The following NDP variants were observed in gnomAD, a reference collection of about 807,000 sequenced individuals.
The protein encoded by NDP is norrin cystine knot growth factor NDP, also known as norrin.
Under a neutral mutation model 8.4 loss-of-function variants are expected in NDP, and 2 were observed. The ratio of observed to expected loss-of-function variants is 0.24; its 90% CI spans 0.10 to 0.75. The LOEUF (loss-of-function observed/expected upper bound fraction) is 0.75. Ranked by LOEUF, NDP falls within the 30% of genes least tolerant of loss-of-function variation. The pLI is 0.73. For missense variants in NDP, 81 were observed against 110.1 expected (o/e 0.74, Z 1.18); for synonymous variants, 55 against 45.6 (o/e 1.21, Z -0.83).
chrX:43,964,228 C>A (rs964664182), intron 1 of NDP, among the ~76,000 whole-genome samples: 1 of 111,419 alleles, frequency 9.0e-6, no homozygotes, highest in Non-Finnish European at 1.9e-5. Context: ...CCAAGTGTAG[C>A]CAAGCTCAGC....
At chrX:43,950,806 T>G (rs1245122180) in intron 2 of NDP, among the ~76,000 whole-genome samples, 1 of 112,304 alleles carries the variant, frequency 8.9e-6, no homozygotes, top group Non-Finnish European at 1.9e-5. Context: ...GCTCTTAATC[T>G]GGCTTTAGCA....
intron 2 of NDP, among the ~76,000 whole-genome samples, chrX:43,955,814 C>G (rs757757885): frequency 8.9e-6 from 1 of 112,082 alleles, no homozygotes; most frequent in Non-Finnish European, 1.9e-5. Flanking sequence ...TAGGACTGGC[C>G]AGCTGCAAGT....
chrX:43,961,732 A>G (rs898389080), intron 1 of NDP, among the ~76,000 whole-genome samples: 1 of 111,656 alleles, frequency 9.0e-6, no homozygotes, highest in African/African-American at 3.3e-5. Context: ...AACTAAGTTA[A>G]TGGATGTTTA....
At chrX:43,962,294 G>A (rs1233457852) in intron 1 of NDP, among the ~76,000 whole-genome samples, 15 of 101,974 alleles carry the variant, frequency 1.5e-4, no homozygotes, top group South Asian at 4.6e-4. Flanking sequence ...TTTGCCTTGA[G>A]TGTTCAAATT....
chrX:43,963,503 T>A lies in NDP; in HGVS notation c.-207-4651A>T, dbSNP rs11795486. Among the ~76,000 whole-genome samples the A allele has an allele frequency of 7.3e-3, 819 of 112,397 alleles. 5 individuals are homozygous for A. The highest frequency in any genetic ancestry group is 0.012 in the Non-Finnish European group (650 of 53,271). Reference sequence around the variant, plus strand: ...TTACTTGATATTTATTGTAATTTTTTAAAAAATTATGGTATGAAGCATAAA... The same window carrying A: ...TTACTTGATATTTATTGTAATTTTTAAAAAAATTATGGTATGAAGCATAAA... On this transcript the variant is annotated intron_variant, in intron 1 of 2. Transcript: ENST00000642620.
intron 2 of NDP, among the ~76,000 whole-genome samples, chrX:43,951,743 A>C (rs949923678): frequency 1.8e-5 from 2 of 111,170 alleles, no homozygotes; most frequent in South Asian, 7.7e-4. Flanking sequence ...ACTGGGGCTA[A>C]ATCCAACAAT....
rs190173338 is a variant in NDP at position 43,964,282 on chromosome X, G to A, written c.-207-5430C>T. On this transcript the variant is annotated intron_variant, in intron 1 of 2. Transcript: ENST00000642620. ...AGAAAAGAGATGGGAGAAACAAAAA[G>A]GATGGAGGAATATGGCCAGGGAAAG... Among the ~76,000 whole-genome samples the A allele has an allele frequency of 7.6e-4, 85 of 111,639 alleles. 1 individual carries two copies. The highest frequency in any genetic ancestry group is 2.5e-3 in the African/African-American group (76 of 30,662).
intron 2 of NDP, among the ~76,000 whole-genome samples, chrX:43,952,675 A>C (rs1602064626): frequency 8.9e-6 from 1 of 112,216 alleles, no homozygotes; most frequent in African/African-American, 3.2e-5. Flanking sequence ...CCCACTCTGA[A>C]GGACAAGAAC....
rs762752291 is a variant in NDP, at chrX:43,973,000, A to G, written c.-208+304T>C. Among the ~76,000 whole-genome samples, 19 of 112,761 alleles carry G rather than the reference A, an allele frequency of 1.7e-4. No individual in the cohort carries two copies. The East Asian group carries it at 4.8e-3, about 28-fold the overall frequency. ...TTCGCAGCCCCCTTTCACGGGGTCAACTATAAGAACCATCACAAAGTTACA... is the reference window on the plus strand; with the variant it reads ...TTCGCAGCCCCCTTTCACGGGGTCAGCTATAAGAACCATCACAAAGTTACA... On this transcript the variant is annotated intron_variant, in intron 1 of 2. Coordinates refer to ENST00000642620, the MANE Select transcript of NDP (RefSeq NM_000266.4).
chrX:43,972,685 T>G (rs2035897997), intron 1 of NDP, among the ~76,000 whole-genome samples: 1 of 112,030 alleles, frequency 8.9e-6, no homozygotes, highest in Non-Finnish European at 1.9e-5. Flanking sequence ...CCCCAATGCA[T>G]CTATGGAAGC....
At chrX:43,968,843 T>G (rs2035873644) in intron 1 of NDP, among the ~76,000 whole-genome samples, 1 of 112,340 alleles carries the variant, frequency 8.9e-6, no homozygotes, top group Non-Finnish European at 1.9e-5. Flanking sequence ...TTCCTTTCTT[T>G]TTTTCTTCTT....
intron 1 of NDP, among the ~76,000 whole-genome samples, chrX:43,963,580 A>T (rs1040909343): frequency 1.8e-5 from 2 of 112,460 alleles, no homozygotes; most frequent in Non-Finnish European, 3.7e-5. Context: ...TTGCAAAAAC[A>T]TCAAAGATTT....
chrX:43,967,926 A>C (rs1032421160), intron 1 of NDP, among the ~76,000 whole-genome samples: 1 of 111,256 alleles, frequency 9.0e-6, no homozygotes, highest in Non-Finnish European at 1.9e-5. Context: ...TGTCTGAAAA[A>C]TTCTTAGCTT....
intron 2 of NDP, among the ~76,000 whole-genome samples, chrX:43,957,228 A>T (rs1438281859): frequency 9.0e-6 from 1 of 111,489 alleles, no homozygotes; most frequent in Admixed American, 9.5e-5. Context: ...ATTTCTGAGC[A>T]ATCACACTTG....
At chrX:43,956,270 T>C (rs1002842045) in intron 2 of NDP, among the ~76,000 whole-genome samples, 4 of 111,944 alleles carry the variant, frequency 3.6e-5, no homozygotes, top group African/African-American at 1.3e-4. Flanking sequence ...AATGGATAAA[T>C]GTGAGTCAGA....
Position 43,958,400 on chromosome X carries a change from C to T in NDP, c.174+72G>A, listed in dbSNP as rs975817650. 18 of 1,127,116 alleles carry T rather than the reference C, an allele frequency of 1.6e-5. No homozygotes were observed. In the African/African-American group the frequency reaches 1.6e-4, roughly 10 times the overall value. 92.9% of individuals were successfully genotyped at this position (1,127,116 alleles called of 1,213,427 possible). A position where few individuals can be genotyped will look rare whatever the true frequency, so the allele number is the denominator to read the frequency against. On this transcript the variant is annotated intron_variant, in intron 2 of 2. Transcript: ENST00000642620. Reference sequence around the variant, plus strand: ...TGGGCTATGATCTTAGTTCTCCATCCCCTGACAAAGAAATATGGCTTCTTG... The same window carrying T: ...TGGGCTATGATCTTAGTTCTCCATCTCCTGACAAAGAAATATGGCTTCTTG...
chrX:43,958,730 A>T lies in NDP; in HGVS notation c.-85T>A. On this transcript the variant is annotated 5_prime_UTR_variant, in exon 2 of 3. Transcript: ENST00000642620. The stretch of plus-strand genomic sequence containing the variant: ...GAAATGGCTTCACCTCCTAGGATCC[A>T]GTCCCGTTCAAGGAAAGGGCAGGAT... 1.2e-6 allele frequency: 1 copy of T among 839,491 alleles called. No individual in the cohort carries two copies. The highest frequency in any genetic ancestry group is 2.1e-5 in the South Asian group (1 of 47,194). The allele number at this position is 839,491 out of a possible 1,213,427, so 69.2% of individuals were successfully genotyped here.
intron 1 of NDP, chrX:43,966,706 G>A (rs748883999): frequency 8.9e-6 from 1 of 112,133 alleles, no homozygotes; most frequent in South Asian, 3.7e-4. Flanking sequence ...GCCTCAGGAG[G>A]AGAGGTGACC....
intron 1 of NDP, among the ~76,000 whole-genome samples, chrX:43,959,730 C>T (rs5952975): frequency 0.28 from 30,687 of 110,874 alleles, 3,232 homozygotes; most frequent in African/African-American, 0.33. Flanking sequence ...ACACTGGTGC[C>T]TTCTTTTTTT....
Sources: gnomAD v4.1 joint callset for allele counts (sites outside exome capture counted in the v4.1 genomes callset) on GRCh38, gnomAD v4.1.1 for gene constraint, MANE v1.5 for transcripts, NCBI Gene and HGNC (gene_info 2026-07-23, HGNC 2026-07-21) for gene names.